The following NRG1 variants were observed in gnomAD, a reference collection of about 807,000 sequenced individuals.
NRG1 encodes the protein neuregulin 1.
A neutral mutation model predicts 63.8 loss-of-function variants in NRG1; 18 were observed. That is an observed-to-expected ratio of 0.28 (90% CI 0.19 to 0.42). The LOEUF (loss-of-function observed/expected upper bound fraction) is 0.42. Ranked by LOEUF, NRG1 falls within the 10% of genes least tolerant of loss-of-function variation. The probability of loss-of-function intolerance (pLI) is 1.00; values close to 1 mark genes in which losing one functional copy is unlikely to be tolerated. For synonymous variants in NRG1, 302 were observed against 301.3 expected (o/e 1.00, Z -0.02); for missense variants, 762 against 814.7 (o/e 0.94, Z 0.79).
intron 1 of NRG1, among the ~76,000 whole-genome samples, chr8:31,690,627 T>C (rs781698965): frequency 5.4e-5 from 8 of 148,666 alleles, no homozygotes. Flanking sequence ...ATGAACGCGA[T>C]GTAAACTCAT....
intron 6 of NRG1, among the ~76,000 whole-genome samples, chr8:32,731,767 A>T (rs1823729152): frequency 1.3e-5 from 2 of 152,220 alleles, no homozygotes; most frequent in Non-Finnish European, 1.5e-5. Flanking sequence ...GAAACAGAAG[A>T]CATAAAAATA....
chr8:32,453,133 C>T (rs1226386799), intron 1 of NRG1, among the ~76,000 whole-genome samples: 2 of 152,094 alleles, frequency 1.3e-5, no homozygotes, highest in Non-Finnish European at 2.9e-5. Context: ...CTTGCCGTGA[C>T]TTTGGTTTCC....
intron 3 of NRG1, among the ~76,000 whole-genome samples, chr8:32,606,382 AG>A (rs1352201165): frequency 6.6e-6 from 1 of 151,976 alleles, no homozygotes; most frequent in Admixed American, 6.6e-5. Context: ...ATTTCCTACT[AG>A]GAAGAGGCTT....
intron 1 of NRG1, among the ~76,000 whole-genome samples, chr8:32,166,240 CT>C (rs1301190808): frequency 2.0e-5 from 3 of 151,830 alleles, no homozygotes; most frequent in African/African-American, 2.4e-5. Context: ...GTTTTGTTCT[CT>C]TTTTTTTCAT....
intron 5 of NRG1, among the ~76,000 whole-genome samples, chr8:32,677,123 A>G (rs959967405): frequency 1.3e-5 from 2 of 152,144 alleles, no homozygotes; most frequent in Admixed American, 6.5e-5. Context: ...AATATGTAAA[A>G]TTATGATAAT....
At chr8:31,791,890 T>A (rs979008286) in intron 1 of NRG1, among the ~76,000 whole-genome samples, 1 of 152,222 alleles carries the variant, frequency 6.6e-6, no homozygotes, top group African/African-American at 2.4e-5. Flanking sequence ...GGCAGCCTAC[T>A]TCACATTCTG....
intron 5 of NRG1, among the ~76,000 whole-genome samples, chr8:32,719,939 T>C (rs2129000395): frequency 6.6e-6 from 1 of 152,264 alleles, no homozygotes; most frequent in South Asian, 2.1e-4. Context: ...AAAAATTGAC[T>C]TTCTAATTTC....
chr8:31,904,959 C>A (rs553793350), intron 1 of NRG1, among the ~76,000 whole-genome samples: 23 of 152,040 alleles, frequency 1.5e-4, no homozygotes, highest in Non-Finnish European at 2.4e-4. Flanking sequence ...TACACCAAAC[C>A]CCCATAACAT....
Position 32,484,366 on chromosome 8 carries a change from T to C in NRG1, c.38-111462T>C, listed in dbSNP as rs532769349. On this transcript the variant is annotated intron_variant, in intron 1 of 10. Coordinates refer to the NRG1 transcript ENST00000519301. ...GAATTAGTGTGATTTAAGGACTGGC[T>C]GATGTGCACAAAACATGAGAGAAGG... Among the ~76,000 whole-genome samples the C allele has an allele frequency of 2.0e-5, 3 of 152,306 alleles. No homozygotes were observed. The South Asian group carries it at 6.2e-4, about 32-fold the overall frequency.
intron 1 of NRG1, among the ~76,000 whole-genome samples, chr8:32,377,778 A>G (rs1474325326): frequency 6.6e-6 from 1 of 152,142 alleles, no homozygotes; most frequent in Non-Finnish European, 1.5e-5. Flanking sequence ...GTCTGCCTAG[A>G]AATGTATTTT....
At chr8:31,870,359 A>C (rs1216511449) in intron 1 of NRG1, among the ~76,000 whole-genome samples, 1 of 152,212 alleles carries the variant, frequency 6.6e-6, no homozygotes, top group Non-Finnish European at 1.5e-5. Flanking sequence ...AATAAAATAC[A>C]AAATAGAAAG....
chr8:31,950,200 A>G (rs1001026719), intron 1 of NRG1, among the ~76,000 whole-genome samples: 1 of 152,238 alleles, frequency 6.6e-6, no homozygotes, highest in Non-Finnish European at 1.5e-5. Flanking sequence ...GACAAGAAGG[A>G]TGAATTTAAA....
chr8:32,479,217 G>A (rs565437117), intron 1 of NRG1, among the ~76,000 whole-genome samples: 28 of 152,136 alleles, frequency 1.8e-4, no homozygotes, highest in Admixed American at 1.8e-3. Flanking sequence ...GGCTCACACT[G>A]GTAATCTCAG....
intron 1 of NRG1, among the ~76,000 whole-genome samples, chr8:32,197,051 C>G (rs1843033782): frequency 6.8e-6 from 1 of 147,602 alleles, no homozygotes; most frequent in Non-Finnish European, 1.5e-5. Flanking sequence ...CCTTCGCCTC[C>G]CGGGTTCAAA....
chr8:32,659,427 C>T (rs548082991), intron 5 of NRG1, among the ~76,000 whole-genome samples: 7 of 152,226 alleles, frequency 4.6e-5, no homozygotes, highest in South Asian at 2.1e-4. Context: ...GGATTATAGC[C>T]GTGACCCACC....
chr8:32,018,666 T>G (rs1383952878), intron 1 of NRG1, among the ~76,000 whole-genome samples: 2 of 152,200 alleles, frequency 1.3e-5, no homozygotes, highest in Non-Finnish European at 2.9e-5. Context: ...TTCACTGTCA[T>G]GTTGATGGAG....
intron 1 of NRG1, among the ~76,000 whole-genome samples, chr8:31,943,679 C>A (rs1252859860): frequency 9.2e-5 from 14 of 152,048 alleles, no homozygotes; most frequent in African/African-American, 2.4e-5. Flanking sequence ...CTTGTTCACC[C>A]TTTTAATACT....
At chr8:31,859,634 G>A (rs896000712) in intron 1 of NRG1, among the ~76,000 whole-genome samples, 3 of 152,210 alleles carry the variant, frequency 2.0e-5, no homozygotes, top group African/African-American at 7.2e-5. Context: ...TATGCACAAG[G>A]TGAGGGATAT....
intron 1 of NRG1, among the ~76,000 whole-genome samples, chr8:32,521,718 G>A (rs1830363573): frequency 6.6e-6 from 1 of 152,152 alleles, no homozygotes; most frequent in South Asian, 2.1e-4. Flanking sequence ...CAGGAAAAGA[G>A]AGTTTTAGCT....
Sources: allele counts gnomAD v4.1 joint callset (sites outside exome capture counted in the v4.1 genomes callset), GRCh38; gene constraint gnomAD v4.1.1; transcripts MANE v1.5; gene names NCBI Gene and HGNC (gene_info 2026-07-23, HGNC 2026-07-21).